Variants in CELF4 observed in about 807,000 individuals in gnomAD.
CELF4 encodes CUGBP Elav-like family member 4.
In CELF4, 18 loss-of-function variants were observed where a neutral mutation model predicts 59.9. That is an observed-to-expected ratio of 0.30 (90% CI 0.21 to 0.45). The LOEUF is 0.45. Ranked by LOEUF, CELF4 falls within the 20% of genes least tolerant of loss-of-function variation. The pLI, the probability that CELF4 is intolerant of heterozygous loss-of-function variation, is 1.00. For synonymous variants in CELF4, 261 were observed against 267.1 expected, an observed-to-expected ratio of 0.98 and a Z score of 0.22; for missense variants, 456 against 689.0, an observed-to-expected ratio of 0.66 and a Z score of 3.79.
chr18:37,454,543 C>T (rs1036741377), intron 2 of CELF4, among the ~76,000 whole-genome samples: 6 of 152,120 alleles, frequency 3.9e-5, no homozygotes, highest in Non-Finnish European at 2.9e-5. Context: ...GCTTAATTTT[C>T]CCTGTGTTCA....
chr18:37,303,544 G>A (rs1473369229), intron 3 of CELF4, among the ~76,000 whole-genome samples: 1 of 152,204 alleles, frequency 6.6e-6, no homozygotes, highest in Non-Finnish European at 1.5e-5. Flanking sequence ...ATCGGGGAGA[G>A]CTTGGATCTG....
At position 37,364,746 on chromosome 18, in the gene CELF4, T is replaced by A. The variant is rs527337419; in HGVS notation, c.370-42865A>T. ...TAAGTAGAACCATACTCAAATGCTCTCATCATAAGGTATTCCAAAGCTAAA... is the reference window on the plus strand; with the variant it reads ...TAAGTAGAACCATACTCAAATGCTCACATCATAAGGTATTCCAAAGCTAAA... On this transcript the variant is annotated intron_variant, in intron 2 of 12. Transcript: ENST00000420428. Among the ~76,000 whole-genome samples the A allele has an allele frequency of 2.0e-5, 3 of 152,336 alleles. No individual in the cohort carries two copies. In the South Asian group the frequency reaches 6.2e-4, roughly 32 times the overall value.
chr18:37,266,660 C>T, intron 8 of CELF4, 62 bp from the exon 9 acceptor site: 1 of 1,331,152 alleles, frequency 7.5e-7, no homozygotes, highest in African/African-American at 1.4e-5. Flanking sequence ...TCCCCTCATG[C>T]CCATGGGGAC....
rs1259818230 is a variant in CELF4 at position 37,338,788 on chromosome 18, GT to G, written c.370-16908del. On this transcript the variant is annotated intron_variant, in intron 2 of 12. Transcript: ENST00000420428. ...TGTGTGTGTGTGTGTGTGTGTGTGT[GT>G]GTGTGGTGTGTGTGATCTACCTTCA... Among the ~76,000 whole-genome samples, 382 of 151,970 alleles carry G rather than the reference GT, an allele frequency of 2.5e-3. 1 individual carries two copies. Among genetic ancestry groups the G allele is most frequent in the African/African-American group, 8.8e-3 (366 of 41,422 alleles).
chr18:37,354,560 T>C (rs529588651), intron 2 of CELF4, among the ~76,000 whole-genome samples: 6 of 152,350 alleles, frequency 3.9e-5, no homozygotes, highest in African/African-American at 1.4e-4. Flanking sequence ...GGTAAAAATG[T>C]ATTCTCTCAG....
At chr18:37,483,761 C>T (rs952554400) in intron 2 of CELF4, among the ~76,000 whole-genome samples, 1 of 152,224 alleles carries the variant, frequency 6.6e-6, no homozygotes, top group Non-Finnish European at 1.5e-5. Flanking sequence ...TTGGTGAAAT[C>T]AGCACCACGG....
intron 2 of CELF4, among the ~76,000 whole-genome samples, chr18:37,408,496 G>C (rs5824057): frequency 1.1e-4 from 2 of 18,040 alleles, no homozygotes; most frequent in African/African-American, 1.5e-4. Flanking sequence ...TGGTGCCGGG[G>C]GGGGGCGCGG....
intron 2 of CELF4, among the ~76,000 whole-genome samples, chr18:37,375,765 C>A (rs976573632): frequency 1.3e-5 from 2 of 152,130 alleles, no homozygotes; most frequent in Non-Finnish European, 2.9e-5. Flanking sequence ...AGCCGGCCTA[C>A]AGCCAACTCC....
chr18:37,408,859 C>G (rs1179772893), intron 2 of CELF4, among the ~76,000 whole-genome samples: 1 of 152,186 alleles, frequency 6.6e-6, no homozygotes, highest in Non-Finnish European at 1.5e-5. Flanking sequence ...TTGTCTCCCT[C>G]TCCACCTGCC....
chr18:37,275,607 T>A, intron 3 of CELF4: 1 of 266,092 alleles, frequency 3.8e-6, no homozygotes, highest in Non-Finnish European at 7.3e-6. Flanking sequence ...GCAGCCTGCG[T>A]TCCCCTCCTC....
At chr18:37,521,855 A>G (rs1157553181) in intron 1 of CELF4, among the ~76,000 whole-genome samples, 1 of 152,182 alleles carries the variant, frequency 6.6e-6, no homozygotes, top group Non-Finnish European at 1.5e-5. Context: ...AGCAGGGGAC[A>G]CCATCTCATG....
chr18:37,483,658 T>C (rs2099875311), intron 2 of CELF4, among the ~76,000 whole-genome samples: 1 of 152,070 alleles, frequency 6.6e-6, no homozygotes, highest in Non-Finnish European at 1.5e-5. Context: ...TAATTATGGG[T>C]GGAAAGGGGG....
rs1198254132 is a variant in CELF4, at chr18:37,245,506, G to A, written c.*45-309C>T. Among the ~76,000 whole-genome samples, 1 of 152,090 alleles carries A rather than the reference G, an allele frequency of 6.6e-6. No individual in the cohort carries two copies. Among genetic ancestry groups the A allele is most frequent in the Non-Finnish European group, 1.5e-5 (1 of 68,028 alleles). ...GATTGGGGGTAGCTACATCTAAGGGGAGAATTTGGGACTGCGGGATATGAA... is the reference window on the plus strand; with the variant it reads ...GATTGGGGGTAGCTACATCTAAGGGAAGAATTTGGGACTGCGGGATATGAA... On this transcript the variant is annotated intron_variant, in intron 12 of 12. Coordinates refer to ENST00000420428, the MANE Select transcript of CELF4 (RefSeq NM_020180.4). This position sits in a 1 kb window ranked among gnomAD's most constrained non-coding sequence, Gnocchi z 4.1.
At chr18:37,295,210 C>T (rs141978721) in intron 3 of CELF4, among the ~76,000 whole-genome samples, 59 of 152,266 alleles carry the variant, frequency 3.9e-4, no homozygotes, top group African/African-American at 1.1e-3. Context: ...TGCCCCTGCC[C>T]GAATGAATGA....
intron 11 of CELF4, among the ~76,000 whole-genome samples, chr18:37,258,779 C>T (rs924365058): frequency 1.3e-5 from 2 of 152,168 alleles, no homozygotes; most frequent in African/African-American, 4.8e-5. Context: ...AGGAGAGGGG[C>T]TACTGGGGGA....
intron 3 of CELF4, among the ~76,000 whole-genome samples, chr18:37,289,019 T>C (rs954905301): frequency 4.6e-5 from 7 of 152,154 alleles, no homozygotes; most frequent in African/African-American, 1.7e-4. Flanking sequence ...TATTCACCAC[T>C]CAGTCCGGCA....
chr18:37,434,463 C>G (rs1303937424), intron 2 of CELF4, among the ~76,000 whole-genome samples: 1 of 152,188 alleles, frequency 6.6e-6, no homozygotes, highest in Non-Finnish European at 1.5e-5. Flanking sequence ...GGCAAAAGCG[C>G]TTCAGTGGCC....
intron 2 of CELF4, among the ~76,000 whole-genome samples, chr18:37,455,921 C>T (rs967003084): frequency 5.9e-5 from 9 of 152,208 alleles, no homozygotes; most frequent in South Asian, 2.1e-4. Context: ...TCTGCACCCC[C>T]AGACGGGAAG....
chr18:37,282,750 A>G (rs539277033), intron 3 of CELF4, among the ~76,000 whole-genome samples: 1 of 152,270 alleles, frequency 6.6e-6, no homozygotes, highest in East Asian at 1.9e-4. Context: ...AAGAACCTGC[A>G]GCTATGTGAC....
Sources: allele counts gnomAD v4.1 joint callset (sites outside exome capture counted in the v4.1 genomes callset), GRCh38; gene constraint gnomAD v4.1.1; non-coding constraint Gnocchi (gnomAD v3.1); transcripts MANE v1.5; gene names NCBI Gene and HGNC (gene_info 2026-07-23, HGNC 2026-07-21).